The following DNM3 variants were observed in gnomAD, a reference collection of about 807,000 sequenced individuals.
DNM3 encodes dynamin-3.
DNM3 carries 47 observed loss-of-function variants against 101.6 expected under a neutral mutation model. The ratio of observed to expected loss-of-function variants is 0.46; its 90% CI spans 0.37 to 0.59. The LOEUF (loss-of-function observed/expected upper bound fraction) is 0.59, where lower values mean the gene tolerates loss of function less well. DNM3 is among the 20% of genes least tolerant of loss of function. The pLI is 0.00. For missense variants in DNM3, 849 were observed against 1,085.7 expected, an observed-to-expected ratio of 0.78 and a Z score of 3.06; for synonymous variants, 385 against 387.9, an observed-to-expected ratio of 0.99 and a Z score of 0.09.
chr1:172,081,966 G>T, intron 12 of DNM3, 64 bp downstream of exon 12: 1 of 1,493,104 alleles, frequency 6.7e-7, no homozygotes, highest in South Asian at 1.2e-5. Flanking sequence ...CACACATTGT[G>T]AATTTTTACT....
At chr1:172,237,176 A>G (rs551592592) in intron 14 of DNM3, among the ~76,000 whole-genome samples, 20 of 152,134 alleles carry the variant, frequency 1.3e-4, no homozygotes, top group Non-Finnish European at 2.4e-4. Flanking sequence ...TTCCTTATTA[A>G]AATAGTACTT....
intron 17 of DNM3, among the ~76,000 whole-genome samples, chr1:172,372,542 T>A (rs2068392911): frequency 6.6e-6 from 1 of 152,010 alleles, no homozygotes; most frequent in Non-Finnish European, 1.5e-5. Flanking sequence ...CCTTTCTATT[T>A]TATGTTTATT....
downstream of DNM3, among the ~76,000 whole-genome samples, chr1:172,415,609 A>C (rs1315085127): frequency 1.4e-5 from 2 of 138,228 alleles, no homozygotes; most frequent in African/African-American, 5.5e-5. Context: ...GGCTCACTGC[A>C]ACTTCCACCT....
At chr1:171,910,906 C>T (rs1055383766) in intron 1 of DNM3, among the ~76,000 whole-genome samples, 1 of 152,146 alleles carries the variant, frequency 6.6e-6, no homozygotes, top group African/African-American at 2.4e-5. Context: ...ATGCTTCCCA[C>T]AGGAGGCTGC....
At chr1:171,941,267 A>G (rs1161554537) in intron 2 of DNM3, among the ~76,000 whole-genome samples, 2 of 152,158 alleles carry the variant, frequency 1.3e-5, no homozygotes, top group Non-Finnish European at 2.9e-5. Flanking sequence ...TAGGAAAAAA[A>G]TTTACAAGAC....
intron 1 of DNM3, among the ~76,000 whole-genome samples, chr1:171,897,943 T>C (rs2037959454): frequency 6.6e-6 from 1 of 152,104 alleles, no homozygotes; most frequent in African/African-American, 2.4e-5. Flanking sequence ...GACTAATACT[T>C]GTATTTGTAC....
At chr1:171,956,515 A>T (rs910086393) in intron 2 of DNM3, among the ~76,000 whole-genome samples, 5 of 152,072 alleles carry the variant, frequency 3.3e-5, no homozygotes, top group Non-Finnish European at 5.9e-5. Context: ...TGTAGGGTAT[A>T]GCCCCCCTCC....
chr1:172,403,881 T>C (rs1258758964), intron 20 of DNM3, among the ~76,000 whole-genome samples: 1 of 152,128 alleles, frequency 6.6e-6, no homozygotes. Flanking sequence ...ACAAACTGTC[T>C]TGTGAGGTGA....
chr1:172,203,999 G>A (rs569839631), intron 14 of DNM3, among the ~76,000 whole-genome samples: 6 of 152,204 alleles, frequency 3.9e-5, no homozygotes, highest in African/African-American at 1.4e-4. Flanking sequence ...GGTACCAAGG[G>A]TGTCATTGCT....
intron 14 of DNM3, among the ~76,000 whole-genome samples, chr1:172,169,800 G>A (rs532983511): frequency 6.6e-6 from 1 of 151,902 alleles, no homozygotes; most frequent in East Asian, 1.9e-4. Context: ...TATTTGATGT[G>A]AACATCAGTT....
intron 2 of DNM3, among the ~76,000 whole-genome samples, chr1:171,960,312 T>C (rs2043136466): frequency 6.6e-6 from 1 of 152,154 alleles, no homozygotes; most frequent in South Asian, 2.1e-4. Flanking sequence ...TTCTAGGCTA[T>C]AGGACTGTGA....
At chr1:171,954,239 TTA>T (rs1481962105) in intron 2 of DNM3, among the ~76,000 whole-genome samples, 3 of 152,226 alleles carry the variant, frequency 2.0e-5, no homozygotes, top group African/African-American at 7.2e-5. Flanking sequence ...TTTGCATGTA[TTA>T]TCATAGTAAA....
At position 172,203,341 on chromosome 1, in the gene DNM3, G is replaced by A. The variant is rs546671982; in HGVS notation, c.1660-50232G>A. Among the ~76,000 whole-genome samples, 11 of 152,208 alleles carry A rather than the reference G, an allele frequency of 7.2e-5. No homozygotes were observed. In the South Asian group the frequency reaches 1.0e-3, roughly 14 times the overall value. On this transcript the variant is annotated intron_variant, in intron 14 of 20. Coordinates refer to ENST00000627582, the MANE Select transcript of DNM3 (RefSeq NM_015569.5). ...GTGTTGCATTTCATTGATGTGTTCCGCCTCTTTTGGTCAGATAAACCGAAG... is the reference window on the plus strand; with the variant it reads ...GTGTTGCATTTCATTGATGTGTTCCACCTCTTTTGGTCAGATAAACCGAAG...
chr1:171,921,157 A>C (rs1336859342), intron 1 of DNM3, among the ~76,000 whole-genome samples: 1 of 145,994 alleles, frequency 6.8e-6, no homozygotes, highest in African/African-American at 2.5e-5. Flanking sequence ...TATGTTGTCC[A>C]GGCTGGTCTT....
In DNM3 at chr1:172,000,740, T is replaced by G. The variant is rs368157254; in HGVS notation, c.589+11592T>G. 2.4e-4 allele frequency among the ~76,000 whole-genome samples: 36 copies of G among 152,158 alleles called. 1 individual carries two copies. The East Asian group carries it at 6.4e-3, about 27-fold the overall frequency. The stretch of plus-strand genomic sequence containing the variant: ...ACTTGAAGGTCACTGGTGACCTTGA[T>G]AAGAAGGGTTTGGTAGGAAAGTCTC... On this transcript the variant is annotated intron_variant, in intron 4 of 20. Coordinates refer to ENST00000627582, the MANE Select transcript of DNM3 (RefSeq NM_015569.5).
At chr1:171,943,212 T>C (rs1452825917) in intron 2 of DNM3, among the ~76,000 whole-genome samples, 2 of 152,168 alleles carry the variant, frequency 1.3e-5, no homozygotes, top group Non-Finnish European at 2.9e-5. Context: ...GCAGTGAGAC[T>C]AGTGTGGCCT....
At chr1:172,118,318 A>G (rs1427171448) in intron 13 of DNM3, among the ~76,000 whole-genome samples, 1 of 152,178 alleles carries the variant, frequency 6.6e-6, no homozygotes, top group East Asian at 1.9e-4. Flanking sequence ...TTTCAGAGGT[A>G]TGATAGGGTA....
intron 14 of DNM3, among the ~76,000 whole-genome samples, chr1:172,252,384 A>G (rs2062208173): frequency 6.6e-6 from 1 of 152,212 alleles, no homozygotes; most frequent in South Asian, 2.1e-4. Context: ...GGGAGCACAG[A>G]AGAGCTCTAT....
At chr1:172,197,459 T>C (rs2148469610) in intron 14 of DNM3, among the ~76,000 whole-genome samples, 1 of 152,250 alleles carries the variant, frequency 6.6e-6, no homozygotes. Flanking sequence ...TCATTGGTAG[T>C]TTGATAGGAA....
Sources: allele counts gnomAD v4.1 joint callset (sites outside exome capture counted in the v4.1 genomes callset), GRCh38; gene constraint gnomAD v4.1.1; transcripts MANE v1.5; gene names NCBI Gene and HGNC (gene_info 2026-07-23, HGNC 2026-07-21).